ATXN7: variants seen among roughly 807,000 people sequenced by gnomAD.
The protein encoded by ATXN7 is ataxin-7.
In ATXN7, 12 loss-of-function variants were observed where a neutral mutation model predicts 70.5. The observed-to-expected ratio is 0.17, with a 90% CI of 0.11 to 0.28. The LOEUF is 0.28. ATXN7 is among the 10% of genes least tolerant of loss of function. ATXN7 has a pLI of 1.00. For missense variants in ATXN7, 1,256 were observed against 1,131.7 expected (o/e 1.11, Z -1.58); for synonymous variants, 498 against 448.7 (o/e 1.11, Z -1.39).
At chr3:63,912,155 G>GGGCCC (rs1704046552) in intron 2 of ATXN7, 1 of 152,212 alleles carries the variant, frequency 6.6e-6, no homozygotes, top group South Asian at 2.1e-4. Context: ...CAGCCGGGCC[G>GGGCCC]GGCCCGGGGA....
At chr3:63,990,565 T>G in intron 10 of ATXN7, 173 bp from the exon 11 acceptor site, 1 of 1,241,052 alleles carries the variant, frequency 8.1e-7, no homozygotes, top group Non-Finnish European at 1.1e-6. Flanking sequence ...TTTTTTCCCT[T>G]TCTCTTCCAT....
At position 63,996,388 on chromosome 3, in the gene ATXN7, G is replaced by A. The variant is rs2075760170; in HGVS notation, c.2566G>A (p.Val856Ile). The stretch of plus-strand genomic sequence containing the variant: ...CAACAGCAGCAGCAAACCCACAAAG[G>A]TTGCCAAAGTGCCAGCCGTGAACAA... The part of the protein sequence containing the change: ...INNSSSKPTK[V>I]AKVPAVNNVH... The change falls in exon 12 of 13, where the codon GTT becomes ATT. Residue 856 changes from valine to isoleucine, a missense_variant. Val to Ile is a conservative substitution (Grantham distance 29, BLOSUM62 3). Coordinates refer to ENST00000674280, the MANE Select transcript of ATXN7 (RefSeq NM_001377405.1). The A allele has an allele frequency of 6.2e-7, 1 of 1,614,108 alleles. No homozygotes were observed. Among genetic ancestry groups the A allele is most frequent in the Non-Finnish European group, 8.5e-7 (1 of 1,180,032 alleles).
rs17069630 is a variant in ATXN7, at chr3:63,997,754, G to A, written c.2661+1271G>A. The A allele has an allele frequency of 3.6e-3, 5,537 of 1,523,706 alleles. 145 individuals are homozygous for A. In the African/African-American group the frequency reaches 0.062, roughly 17 times the overall value. 94.4% of individuals were successfully genotyped at this position (1,523,706 alleles called of 1,614,324 possible). On this transcript the variant is annotated intron_variant, in intron 12 of 12. Coordinates refer to ENST00000674280, the MANE Select transcript of ATXN7 (RefSeq NM_001377405.1). ...TCAGAACTTAACTCAAATGCCAGCC[G>A]GGTTAGGACTTTTTCAGAAAATACC...
intron 2 of ATXN7, among the ~76,000 whole-genome samples, 173 bp from the exon 3 acceptor site, chr3:63,912,415 C>G (rs1704061441): frequency 6.7e-6 from 1 of 150,092 alleles, no homozygotes; most frequent in Non-Finnish European, 1.5e-5. Context: ...ACTTTGAGCC[C>G]GGGGCGGGGG....
At chr3:63,884,532 TAA>T (rs1703023355) in intron 1 of ATXN7, among the ~76,000 whole-genome samples, 3 of 152,140 alleles carry the variant, frequency 2.0e-5, no homozygotes, top group Non-Finnish European at 4.4e-5. Context: ...AATGGTTGGA[TAA>T]ATAAGCAAAT....
At chr3:63,947,239 T>C (rs1306456938) in intron 4 of ATXN7, among the ~76,000 whole-genome samples, 2 of 152,156 alleles carry the variant, frequency 1.3e-5, no homozygotes, top group Non-Finnish European at 1.5e-5. Flanking sequence ...AGTCTTTCTG[T>C]CCTTTGAAGT....
rs1298589187 is a variant in ATXN7 at position 63,950,119 on chromosome 3, C to G, written c.395-2260C>G. ...ATTCTTGGTTCCTTACAGGATAACC[C>G]CTATCTTTTTAGTTTTACTAGTCCT... is the stretch of plus-strand genomic sequence containing the variant. On this transcript the variant is annotated intron_variant, in intron 4 of 12. Transcript: ENST00000674280. Among the ~76,000 whole-genome samples the G allele has an allele frequency of 3.3e-5, 5 of 151,714 alleles. No homozygotes were observed. The East Asian group carries it at 5.8e-4, about 18-fold the overall frequency.
chr3:63,915,039 G>T (rs924136019), intron 4 of ATXN7, among the ~76,000 whole-genome samples: 2 of 151,560 alleles, frequency 1.3e-5, no homozygotes, highest in African/African-American at 4.9e-5. Context: ...AGGTTCAAGC[G>T]ATTCTCCTGC....
In ATXN7 at chr3:63,913,084, G is replaced by A. The variant is rs1404429577; in HGVS notation, c.326-73G>A. ...GGAGGTGCCCACACCTACCCCGTGC[G>A]TGCGTGAGTGTGCGTCACACTCCTG... On this transcript the variant is annotated intron_variant, in intron 3 of 12. Transcript: ENST00000674280. 1.8e-5 allele frequency: 27 copies of A among 1,523,618 alleles called. No homozygotes were observed. The South Asian group carries it at 2.9e-4, about 17-fold the overall frequency. The allele number at this position is 1,523,618 out of a possible 1,614,324, so 94.4% of individuals were successfully genotyped here.
intron 1 of ATXN7, among the ~76,000 whole-genome samples, chr3:63,896,761 C>T (rs1703460538): frequency 6.6e-6 from 1 of 152,148 alleles, no homozygotes; most frequent in South Asian, 2.1e-4. Context: ...TCATTTTTCT[C>T]TAAGAATTGG....
intron 2 of ATXN7, among the ~76,000 whole-genome samples, chr3:63,902,460 T>C (rs1436516816): frequency 2.6e-5 from 4 of 152,172 alleles, no homozygotes; most frequent in African/African-American, 9.7e-5. Flanking sequence ...ATTTCAGTTA[T>C]GTGAGTTGTA....
At chr3:63,928,453 T>C (rs1347016600) in intron 4 of ATXN7, among the ~76,000 whole-genome samples, 2 of 152,160 alleles carry the variant, frequency 1.3e-5, no homozygotes, top group African/African-American at 4.8e-5. Context: ...ATTGATAACT[T>C]AAAAAATTAA....
At chr3:63,944,247 C>G (rs1303390702) in intron 4 of ATXN7, among the ~76,000 whole-genome samples, 1 of 152,100 alleles carries the variant, frequency 6.6e-6, no homozygotes, top group East Asian at 1.9e-4. Flanking sequence ...ACTGTTTTTT[C>G]CTGTACATAC....
intron 2 of ATXN7, chr3:63,902,239 C>T (rs1164192230): frequency 6.6e-6 from 1 of 151,990 alleles, no homozygotes; most frequent in African/African-American, 2.4e-5. Flanking sequence ...GAAACCCCGT[C>T]TCTATAAAAA....
At chr3:63,874,453 T>C (rs1386453396) in intron 1 of ATXN7, among the ~76,000 whole-genome samples, 1 of 152,248 alleles carries the variant, frequency 6.6e-6, no homozygotes, top group East Asian at 1.9e-4. Context: ...CTTCAAATGA[T>C]AAAATGCTGT....
rs2075821648 is a variant in ATXN7, at chr3:64,000,434, A to T, written c.*967A>T. Reference sequence around the variant, plus strand: ...TGGTTGTCCTACCTGGTCTATTTTTAAAAGTCACCTTTTAAAGTGACATTA... The same window carrying T: ...TGGTTGTCCTACCTGGTCTATTTTTTAAAGTCACCTTTTAAAGTGACATTA... On this transcript the variant is annotated 3_prime_UTR_variant, in exon 13 of 13. Transcript: ENST00000674280. The T allele has an allele frequency of 6.6e-6, 1 of 152,622 alleles. No individual in the cohort carries two copies. Among genetic ancestry groups the T allele is most frequent in the Non-Finnish European group, 1.5e-5 (1 of 68,044 alleles). The allele number at this position is 152,622 out of a possible 1,614,324, so 9.5% of individuals were successfully genotyped here.
intron 11 of ATXN7, among the ~76,000 whole-genome samples, chr3:63,993,459 A>G (rs1046074657): frequency 1.3e-5 from 2 of 151,862 alleles, no homozygotes; most frequent in African/African-American, 4.8e-5. Flanking sequence ...CTCAAAAAAA[A>G]AAAAAGAAAA....
chr3:63,983,261 T>C (rs1014109042), intron 8 of ATXN7, among the ~76,000 whole-genome samples: 1 of 152,120 alleles, frequency 6.6e-6, no homozygotes, highest in Non-Finnish European at 1.5e-5. Context: ...CAGTGTTGTA[T>C]CCACAGGAAT....
chr3:63,943,313 A>G (rs1444593327), intron 4 of ATXN7, among the ~76,000 whole-genome samples: 2 of 152,248 alleles, frequency 1.3e-5, no homozygotes, highest in African/African-American at 2.4e-5. Flanking sequence ...GTTAGGCAGG[A>G]CCCTCCAGTA....
Sources: allele counts gnomAD v4.1 joint callset (sites outside exome capture counted in the v4.1 genomes callset), GRCh38; gene constraint gnomAD v4.1.1; transcripts MANE v1.5; gene names NCBI Gene and HGNC (gene_info 2026-07-23, HGNC 2026-07-21).